The following ERC2 variants were observed in gnomAD, a reference collection of about 807,000 sequenced individuals.
ERC2 encodes the protein ERC protein 2.
Under a neutral mutation model 114.8 loss-of-function variants are expected in ERC2, and 42 were observed. The observed-to-expected ratio is 0.37, with a 90% CI of 0.29 to 0.47. ERC2 has a LOEUF of 0.47. ERC2 is among the 20% of genes least tolerant of loss of function. The pLI, the probability that ERC2 is intolerant of heterozygous loss-of-function variation, is 0.99. For missense variants in ERC2, 939 were observed against 1,150.7 expected (o/e 0.82, Z 2.66); for synonymous variants, 454 against 425.5 (o/e 1.07, Z -0.82).
intron 11 of ERC2, 133 bp downstream of exon 11, chr3:55,991,924 C>T: frequency 2.7e-6 from 2 of 747,114 alleles, no homozygotes; most frequent in East Asian, 2.6e-5. Flanking sequence ...TTTCACAGGC[C>T]ATATTCCTCA....
Position 56,158,279 on chromosome 3 carries a change from G to A in ERC2, c.1150-9147C>T, listed in dbSNP as rs558891050. On this transcript the variant is annotated intron_variant, in intron 4 of 17. Transcript: ENST00000288221. ...AATAGCCAGAAAGCTAAGTTCCTAG[G>A]TCATTTATTATCCCATAGACCTCCT... Among the ~76,000 whole-genome samples the A allele has an allele frequency of 5.3e-5, 8 of 152,038 alleles. 1 individual carries two copies. The South Asian group carries it at 1.7e-3, about 32-fold the overall frequency.
At chr3:56,048,953 A>T (rs1277349673) in intron 7 of ERC2, among the ~76,000 whole-genome samples, 1 of 152,174 alleles carries the variant, frequency 6.6e-6, no homozygotes, top group Non-Finnish European at 1.5e-5. Flanking sequence ...CTCTTGGAGG[A>T]GGTGATATCT....
intron 17 of ERC2, among the ~76,000 whole-genome samples, chr3:55,512,353 G>C (rs928152038): frequency 3.3e-5 from 5 of 152,194 alleles, no homozygotes; most frequent in African/African-American, 1.2e-4. Context: ...GACTTTTGCA[G>C]AGCCAGAAAG....
At chr3:56,109,333 T>A (rs2078838138) in intron 6 of ERC2, among the ~76,000 whole-genome samples, 1 of 152,188 alleles carries the variant, frequency 6.6e-6, no homozygotes, top group African/African-American at 2.4e-5. Flanking sequence ...TCCATCCATG[T>A]TCCACAAAAG....
intron 1 of ERC2, among the ~76,000 whole-genome samples, chr3:56,451,617 T>A (rs1450469858): frequency 6.6e-6 from 1 of 152,148 alleles, no homozygotes. Flanking sequence ...TTAGAGTAAA[T>A]GAGAGTCAGT....
intron 2 of ERC2, among the ~76,000 whole-genome samples, chr3:56,357,459 C>T (rs1279250474): frequency 6.6e-6 from 1 of 152,158 alleles, no homozygotes; most frequent in Non-Finnish European, 1.5e-5. Flanking sequence ...ACTTCCACCT[C>T]TACAGCCTGC....
chr3:55,541,252 G>A (rs1351021825), intron 17 of ERC2, among the ~76,000 whole-genome samples: 4 of 151,968 alleles, frequency 2.6e-5, no homozygotes, highest in African/African-American at 9.7e-5. Context: ...TAATTTTTTT[G>A]GCCAGAACTT....
At chr3:55,708,598 G>A (rs2063604213) in intron 15 of ERC2, among the ~76,000 whole-genome samples, 1 of 152,118 alleles carries the variant, frequency 6.6e-6, no homozygotes, top group Admixed American at 6.5e-5. Flanking sequence ...AACTCAGAAA[G>A]TCAATAGAGG....
intron 3 of ERC2, among the ~76,000 whole-genome samples, chr3:56,225,023 C>G (rs1417763987): frequency 6.6e-6 from 1 of 152,126 alleles, no homozygotes; most frequent in Non-Finnish European, 1.5e-5. Flanking sequence ...CCTTGTTCCC[C>G]CTGTCCATGT....
At chr3:55,866,183 G>C (rs1575923286) in intron 14 of ERC2, among the ~76,000 whole-genome samples, 1 of 152,090 alleles carries the variant, frequency 6.6e-6, no homozygotes, top group Non-Finnish European at 1.5e-5. Context: ...TTGTGATTTT[G>C]ATTTATATTT....
intron 17 of ERC2, among the ~76,000 whole-genome samples, chr3:55,589,215 CAAAAAAA>C (rs5849104): frequency 2.0e-5 from 2 of 99,818 alleles, no homozygotes; most frequent in African/African-American, 3.8e-5. Flanking sequence ...CAGTCACTAC[CAAAAAAA>C]AAAAAAAAAA....
chr3:56,076,793 G>A (rs1576828048), intron 7 of ERC2, among the ~76,000 whole-genome samples: 1 of 152,086 alleles, frequency 6.6e-6, no homozygotes, highest in Admixed American at 6.5e-5. Context: ...GAAATGCTTA[G>A]AGCATCATGT....
intron 13 of ERC2, among the ~76,000 whole-genome samples, chr3:55,890,621 G>C (rs181356413): frequency 2.2e-4 from 33 of 152,310 alleles, no homozygotes; most frequent in African/African-American, 7.5e-4. Context: ...ATGATTTCAG[G>C]CTGCTCCAGC....
At chr3:56,077,712 T>G (rs78731704) in intron 7 of ERC2, among the ~76,000 whole-genome samples, 3,260 of 152,302 alleles carry the variant, frequency 0.021, 51 homozygotes, top group Non-Finnish European at 0.036. Flanking sequence ...GTCATCATCC[T>G]AAAAAGTGAA....
At chr3:55,880,965 T>G (rs945761737) in intron 14 of ERC2, among the ~76,000 whole-genome samples, 1 of 152,142 alleles carries the variant, frequency 6.6e-6, no homozygotes, top group Admixed American at 6.6e-5. Context: ...TCAATCCCCA[T>G]AAGATCTCTG....
At chr3:55,842,764 G>C (rs985345943) in intron 14 of ERC2, among the ~76,000 whole-genome samples, 11 of 152,164 alleles carry the variant, frequency 7.2e-5, no homozygotes, top group Non-Finnish European at 1.2e-4. Flanking sequence ...GATATGGAAA[G>C]GACTGCTTGG....
chr3:56,284,289 G>A (rs1025326959), intron 3 of ERC2, among the ~76,000 whole-genome samples: 2 of 152,212 alleles, frequency 1.3e-5, no homozygotes, highest in African/African-American at 2.4e-5. Context: ...CCAAATGTGA[G>A]TTCAGATTTT....
At chr3:56,041,841 T>C (rs1360147856) in intron 7 of ERC2, among the ~76,000 whole-genome samples, 1 of 152,198 alleles carries the variant, frequency 6.6e-6, no homozygotes, top group African/African-American at 2.4e-5. Context: ...TATTTTCAGG[T>C]ACTCAATTGT....
At position 55,690,649 on chromosome 3, in the gene ERC2, A is replaced by G. The variant is rs138261555; in HGVS notation, c.2848-6790T>C. 7.3e-4 allele frequency among the ~76,000 whole-genome samples: 111 copies of G among 152,250 alleles called. 1 individual carries two copies. The highest frequency in any genetic ancestry group is 2.5e-3 in the African/African-American group (103 of 41,562). ...GACAAATCAGTAAAAGAAAAAAAAA[A>G]CACTCTACCCCAAATAGCATAAGAC... On this transcript the variant is annotated intron_variant, in intron 16 of 17. Transcript: ENST00000288221.
Sources: allele counts gnomAD v4.1 joint callset (sites outside exome capture counted in the v4.1 genomes callset), GRCh38; gene constraint gnomAD v4.1.1; transcripts MANE v1.5; gene names NCBI Gene and HGNC (gene_info 2026-07-23, HGNC 2026-07-21).